DPP10: variants seen among roughly 807,000 people sequenced by gnomAD.
The protein encoded by DPP10 is inactive dipeptidyl peptidase 10.
DPP10 carries 33 observed loss-of-function variants against 120.9 expected under a neutral mutation model. That is an observed-to-expected ratio of 0.27 (90% CI 0.21 to 0.37). The LOEUF (loss-of-function observed/expected upper bound fraction) is 0.37. Among genes scored for constraint, DPP10 ranks in the 10% least tolerant of loss-of-function variants. DPP10 has a pLI of 1.00. For missense variants in DPP10, 816 were observed against 942.8 expected, an observed-to-expected ratio of 0.87 and a Z score of 1.76; for synonymous variants, 337 against 326.1, an observed-to-expected ratio of 1.03 and a Z score of -0.36.
chr2:114,473,537 C>T (rs557887499), intron 1 of DPP10, among the ~76,000 whole-genome samples: 1 of 152,200 alleles, frequency 6.6e-6, no homozygotes, highest in Non-Finnish European at 1.5e-5. Flanking sequence ...GGAACATAAC[C>T]TGAAGAAATG....
chr2:115,588,470 A>G (rs2082426755), intron 5 of DPP10, among the ~76,000 whole-genome samples: 1 of 152,192 alleles, frequency 6.6e-6, no homozygotes, highest in African/African-American at 2.4e-5. Flanking sequence ...TTACCCTACC[A>G]TCATGAAGAG....
At chr2:115,787,631 A>G (rs1683486262) in intron 17 of DPP10, among the ~76,000 whole-genome samples, 2 of 152,176 alleles carry the variant, frequency 1.3e-5, no homozygotes, top group Non-Finnish European at 1.5e-5. Context: ...AATTAGAGTC[A>G]GAATGGGGCA....
chr2:114,664,645 AAAAG>A (rs1439377159), intron 1 of DPP10, among the ~76,000 whole-genome samples: 40 of 150,904 alleles, frequency 2.7e-4, no homozygotes, highest in African/African-American at 5.6e-4. Context: ...AAAAAAAAAA[AAAAG>A]AAAGAAAGAA....
chr2:115,004,382 G>C (rs1009624680), intron 1 of DPP10, among the ~76,000 whole-genome samples: 1 of 152,174 alleles, frequency 6.6e-6, no homozygotes, highest in African/African-American at 2.4e-5. Context: ...GGCCGAATAG[G>C]AACAGCTCCG....
intron 1 of DPP10, among the ~76,000 whole-genome samples, chr2:114,701,158 C>T (rs1700363952): frequency 6.6e-6 from 1 of 151,932 alleles, no homozygotes; most frequent in African/African-American, 2.4e-5. Context: ...ACATCATGGC[C>T]CTGAAGCAAG....
At position 115,108,915 on chromosome 2, in the gene DPP10, T is replaced by TGCCCCTGCTGTATCAGATGTG. The variant is rs546934168; in HGVS notation, c.61-200300_61-200280dup. ...TGGAGGTATGGTGGAACTATGACAATGCCCCTGCTGTATCAGATGTGGCCC... is the reference window on the plus strand; with the variant it reads ...TGGAGGTATGGTGGAACTATGACAATGCCCCTGCTGTATCAGATGTGGCCCCTGCTGTATCAGATGTGGCCC... On this transcript the variant is annotated intron_variant, in intron 1 of 25. Coordinates refer to ENST00000410059, the MANE Select transcript of DPP10 (RefSeq NM_020868.6). Among the ~76,000 whole-genome samples, 550 of 152,248 alleles carry TGCCCCTGCTGTATCAGATGTG rather than the reference T, an allele frequency of 3.6e-3. 3 individuals carry two copies. The highest frequency in any genetic ancestry group is 0.023 in the South Asian group (109 of 4,800).
chr2:115,145,111 T>C (rs551959732), intron 1 of DPP10: 2 of 152,084 alleles, frequency 1.3e-5, no homozygotes, highest in African/African-American at 4.8e-5. Context: ...ACATATCCTT[T>C]CTTGGCTTTG....
At chr2:115,009,625 GATATC>G (rs1702116986) in intron 1 of DPP10, among the ~76,000 whole-genome samples, 1 of 151,600 alleles carries the variant, frequency 6.6e-6, no homozygotes, top group African/African-American at 2.4e-5. Flanking sequence ...TAAAGTAATG[GATATC>G]CCTTGGGCTA....
At chr2:115,509,081 C>A (rs2077092866) in intron 4 of DPP10, among the ~76,000 whole-genome samples, 1 of 152,078 alleles carries the variant, frequency 6.6e-6, no homozygotes, top group Non-Finnish European at 1.5e-5. Context: ...GTGGCCAGAT[C>A]ATGCGGGTCA....
intron 1 of DPP10, among the ~76,000 whole-genome samples, chr2:115,236,181 C>A (rs2057998525): frequency 6.6e-6 from 1 of 152,046 alleles, no homozygotes; most frequent in Non-Finnish European, 1.5e-5. Flanking sequence ...TGTCACTAAA[C>A]CCCCAAAGAA....
At chr2:115,022,522 A>T (rs1389478376) in intron 1 of DPP10, among the ~76,000 whole-genome samples, 1 of 152,156 alleles carries the variant, frequency 6.6e-6, no homozygotes, top group African/African-American at 2.4e-5. Flanking sequence ...AAATTGAAAC[A>T]CATCCCATGC....
chr2:114,683,677 GAGA>G (rs1441613109), intron 1 of DPP10, among the ~76,000 whole-genome samples: 4 of 151,390 alleles, frequency 2.6e-5, no homozygotes, highest in Admixed American at 2.0e-4. Flanking sequence ...GTGAATATGA[GAGA>G]AGGTTTTCTT....
chr2:114,674,998 G>A (rs938578340), intron 1 of DPP10, among the ~76,000 whole-genome samples: 1 of 152,050 alleles, frequency 6.6e-6, no homozygotes, highest in Non-Finnish European at 1.5e-5. Context: ...TCACTTCATG[G>A]GTGACCTGCA....
intron 4 of DPP10, among the ~76,000 whole-genome samples, chr2:115,502,079 T>A (rs1382485694): frequency 2.6e-5 from 4 of 152,144 alleles, no homozygotes; most frequent in Middle Eastern, 3.4e-3. Context: ...TATGCTAAAA[T>A]ATGACTACAA....
intron 3 of DPP10, among the ~76,000 whole-genome samples, chr2:115,489,016 A>G (rs1413177076): frequency 1.3e-5 from 2 of 152,152 alleles, no homozygotes; most frequent in African/African-American, 4.8e-5. Context: ...TTACATTGCA[A>G]TGATCGGTGA....
chr2:115,246,561 T>A (rs116307623), intron 1 of DPP10, among the ~76,000 whole-genome samples: 67 of 151,996 alleles, frequency 4.4e-4, no homozygotes, highest in African/African-American at 1.5e-3. Flanking sequence ...TGTCCACTAG[T>A]TGAGTGTTTA....
chr2:114,565,040 C>G (rs1689091080), intron 1 of DPP10, among the ~76,000 whole-genome samples: 1 of 152,150 alleles, frequency 6.6e-6, no homozygotes, highest in African/African-American at 2.4e-5. Context: ...GTTATATAAG[C>G]AATATACAAG....
intron 1 of DPP10, among the ~76,000 whole-genome samples, chr2:115,011,220 T>G (rs2105089598): frequency 6.6e-6 from 1 of 152,324 alleles, no homozygotes; most frequent in African/African-American, 2.4e-5. Flanking sequence ...TGGTAAACGC[T>G]TTGGGTGCCC....
intron 1 of DPP10, among the ~76,000 whole-genome samples, chr2:114,471,649 A>G (rs1679923084): frequency 6.6e-6 from 1 of 152,204 alleles, no homozygotes; most frequent in African/African-American, 2.4e-5. Flanking sequence ...AGTCTCCTAA[A>G]ATGACGTGGG....
Sources: allele counts gnomAD v4.1 joint callset (sites outside exome capture counted in the v4.1 genomes callset), GRCh38; gene constraint gnomAD v4.1.1; transcripts MANE v1.5; gene names NCBI Gene and HGNC (gene_info 2026-07-23, HGNC 2026-07-21).